Variants in BBX observed in about 807,000 individuals in gnomAD.
BBX encodes HMG box transcription factor BBX.
Under a neutral mutation model 100.2 loss-of-function variants are expected in BBX, and 30 were observed. That is an observed-to-expected ratio of 0.30 (90% confidence interval 0.22 to 0.41). The LOEUF (loss-of-function observed/expected upper bound fraction) is 0.41. Ranked by LOEUF, BBX falls within the 10% of genes least tolerant of loss-of-function variation. BBX has a pLI of 1.00. For missense variants in BBX, 1,023 were observed against 1,129.8 expected (o/e 0.91, Z 1.35); for synonymous variants, 376 against 388.1 (o/e 0.97, Z 0.37).
At chr3:107,524,806 G>T (rs1178092116) in intron 1 of BBX, among the ~76,000 whole-genome samples, 4 of 146,794 alleles carry the variant, frequency 2.7e-5, no homozygotes, top group East Asian at 2.1e-4. Context: ...TGGAGGTGGG[G>T]GGGGGGGCGA....
chr3:107,546,633 G>A (rs756427826), intron 2 of BBX, among the ~76,000 whole-genome samples: 7 of 152,090 alleles, frequency 4.6e-5, no homozygotes, highest in Non-Finnish European at 8.8e-5. Flanking sequence ...TGGGACTTCT[G>A]AGTTAAATAA....
At position 107,702,859 on chromosome 3, in the gene BBX, G is replaced by A. The variant is rs138965477; in HGVS notation, c.-9-7593G>A. 6.6e-5 allele frequency among the ~76,000 whole-genome samples: 10 copies of A among 152,258 alleles called. No individual in the cohort carries two copies. In the East Asian group the frequency reaches 1.4e-3, roughly 21 times the overall value. On this transcript the variant is annotated intron_variant, in intron 3 of 17. Transcript: ENST00000325805. ...GAGGGAGAATGGGGGTGTGGGGGAC[G>A]GTGTGCAGGCCTGGGAGAGCAGAGA...
intron 9 of BBX, among the ~76,000 whole-genome samples, chr3:107,749,960 A>G (rs1272907243): frequency 6.6e-6 from 1 of 152,052 alleles, no homozygotes; most frequent in African/African-American, 2.4e-5. Flanking sequence ...CACCACTATC[A>G]TCAGATTCAT....
intron 2 of BBX, among the ~76,000 whole-genome samples, chr3:107,545,540 TGTATGACTGCTAGGGTGGTG>T (rs1559795456): frequency 6.6e-6 from 1 of 152,218 alleles, no homozygotes; most frequent in Non-Finnish European, 1.5e-5. Context: ...AGAATGTGCT[TGTATGACTGCTAGGGTGGTG>T]GTTTGGGCCA....
chr3:107,566,555 T>C (rs921861026), intron 2 of BBX, among the ~76,000 whole-genome samples: 1 of 139,224 alleles, frequency 7.2e-6, no homozygotes, highest in Non-Finnish European at 1.6e-5. Context: ...GTACCTTTTT[T>C]GTTTTTTTTT....
chr3:107,759,519 G>A (rs1470975366), intron 10 of BBX, among the ~76,000 whole-genome samples: 1 of 152,150 alleles, frequency 6.6e-6, no homozygotes, highest in Non-Finnish European at 1.5e-5. Context: ...GCTATAGTTG[G>A]AGGACACTGA....
At chr3:107,684,144 G>A (rs1487131826) in intron 3 of BBX, among the ~76,000 whole-genome samples, 4 of 152,122 alleles carry the variant, frequency 2.6e-5, no homozygotes, top group Non-Finnish European at 5.9e-5. Context: ...CCTATTGCAG[G>A]TAAGAAACTA....
At chr3:107,659,012 C>A (rs770205537) in intron 3 of BBX, among the ~76,000 whole-genome samples, 2 of 152,130 alleles carry the variant, frequency 1.3e-5, no homozygotes, top group Non-Finnish European at 2.9e-5. Context: ...TGCCTTATTA[C>A]TTTCCTCCCC....
At chr3:107,719,677 TG>T (rs1302246215) in intron 5 of BBX, among the ~76,000 whole-genome samples, 1 of 152,054 alleles carries the variant, frequency 6.6e-6, no homozygotes, top group African/African-American at 2.4e-5. Flanking sequence ...GAATACAACC[TG>T]GGTTGCTTTC....
At chr3:107,777,731 C>T (rs1245584449) in intron 12 of BBX, among the ~76,000 whole-genome samples, 1 of 152,122 alleles carries the variant, frequency 6.6e-6, no homozygotes, top group African/African-American at 2.4e-5. Flanking sequence ...CCATTGCATT[C>T]ATTGAAAACT....
chr3:107,590,344 G>A (rs771627499), intron 2 of BBX, among the ~76,000 whole-genome samples: 70 of 152,064 alleles, frequency 4.6e-4, no homozygotes, highest in Non-Finnish European at 8.4e-4. Flanking sequence ...TCAGATCAGC[G>A]TAGTTGGGAT....
chr3:107,584,122 ATATATATTAT>A lies in BBX; in HGVS notation c.-84+57732_-84+57741del, dbSNP rs2107563922. Among the ~76,000 whole-genome samples, 5 of 27,378 alleles carry A rather than the reference ATATATATTAT, an allele frequency of 1.8e-4. No individual in the cohort carries two copies. The South Asian group carries it at 2.3e-3, about 13-fold the overall frequency. 18.0% of individuals were successfully genotyped at this position (27,378 alleles called of 152,430 possible). ...ATATATATTATATATTATATATAATATATATATTATTATATATATTATATATAATATATGA... is the reference window on the plus strand; with the variant it reads ...ATATATATTATATATTATATATAATATATATATATTATATATAATATATGA... On this transcript the variant is annotated intron_variant, in intron 2 of 17. Coordinates refer to ENST00000325805, the MANE Select transcript of BBX (RefSeq NM_001142568.3).
intron 2 of BBX, among the ~76,000 whole-genome samples, chr3:107,558,261 C>A (rs1371704480): frequency 6.6e-6 from 1 of 152,078 alleles, no homozygotes. Context: ...CCAAGGCAGG[C>A]GGATCACCTG....
intron 2 of BBX, among the ~76,000 whole-genome samples, chr3:107,632,786 T>C (rs1420523855): frequency 6.6e-6 from 1 of 152,212 alleles, no homozygotes; most frequent in Admixed American, 6.5e-5. Flanking sequence ...CAGCTAAAAA[T>C]ATGCTGAAAA....
intron 2 of BBX, among the ~76,000 whole-genome samples, chr3:107,609,180 A>T (rs1311721738): frequency 6.6e-6 from 1 of 152,052 alleles, no homozygotes; most frequent in Non-Finnish European, 1.5e-5. Flanking sequence ...GCTATGATGT[A>T]TCACACTGAT....
At chr3:107,745,144 A>G (rs561475450) in intron 8 of BBX, among the ~76,000 whole-genome samples, 6 of 152,234 alleles carry the variant, frequency 3.9e-5, no homozygotes, top group African/African-American at 1.2e-4. Context: ...AAACTTTAGC[A>G]TGAGGTTGGC....
Position 107,589,180 on chromosome 3 carries a change from T to C in BBX, c.-83-56656T>C, listed in dbSNP as rs73850109. On this transcript the variant is annotated intron_variant, in intron 2 of 17. Transcript: ENST00000325805. ...GTGGAGGAAAAATTAAGGAACTATT[T>C]CATTGTATTACTTGAGCTTGTTATT... is the stretch of plus-strand genomic sequence containing the variant. Among the ~76,000 whole-genome samples, 544 of 152,338 alleles carry C rather than the reference T, an allele frequency of 3.6e-3. 5 individuals are homozygous for C. Among genetic ancestry groups the C allele is most frequent in the African/African-American group, 0.013 (526 of 41,584 alleles).
chr3:107,735,068 T>C (rs1415870553), intron 7 of BBX, among the ~76,000 whole-genome samples: 3 of 152,142 alleles, frequency 2.0e-5, no homozygotes, highest in Non-Finnish European at 4.4e-5. Context: ...TCAGAGATAT[T>C]TGGGTCATTA....
chr3:107,671,938 C>T (rs933835451), intron 3 of BBX, among the ~76,000 whole-genome samples: 3 of 152,028 alleles, frequency 2.0e-5, no homozygotes, highest in African/African-American at 7.2e-5. Flanking sequence ...GATTCTTTAT[C>T]TCAGACAACT....
Sources: gnomAD v4.1 joint callset for allele counts (sites outside exome capture counted in the v4.1 genomes callset) on GRCh38, gnomAD v4.1.1 for gene constraint, MANE v1.5 for transcripts, NCBI Gene and HGNC (gene_info 2026-07-23, HGNC 2026-07-21) for gene names.